The following TP53INP2 variants were observed in gnomAD, a reference collection of about 807,000 sequenced individuals.
TP53INP2 encodes tumor protein p53 inducible nuclear protein 2.
In TP53INP2, 12 loss-of-function variants were observed where a neutral mutation model predicts 17.1. That is an observed-to-expected ratio of 0.70 (90% CI 0.45 to 1.14). The LOEUF is 1.14. Among genes scored for constraint, TP53INP2 ranks in the 50% most tolerant of loss-of-function variants. TP53INP2 has a pLI of 0.00. For missense variants in TP53INP2, 342 were observed against 330.9 expected, an observed-to-expected ratio of 1.03 and a Z score of -0.26; for synonymous variants, 145 against 147.3, an observed-to-expected ratio of 0.98 and a Z score of 0.12.
Position 34,710,003 on chromosome 20 carries a change from C to A in TP53INP2, c.414-55C>A. The A allele has an allele frequency of 1.8e-6, 1 of 562,064 alleles. No individual in the cohort carries two copies. Among genetic ancestry groups the A allele is most frequent in the East Asian group, 5.2e-5 (1 of 19,400 alleles). 34.8% of individuals were successfully genotyped at this position (562,064 alleles called of 1,614,324 possible). ...CAAGGGTGGGAGATGGCAGCGCCCT[C>A]TAGACCCCCCGCCCAGCTTACCCGG... is the stretch of plus-strand genomic sequence containing the variant. On this transcript the variant is annotated intron_variant, in intron 4 of 4. Coordinates refer to ENST00000374810, the MANE Select transcript of TP53INP2 (RefSeq NM_021202.3). The surrounding 1 kb of genome is among the most constrained non-coding windows in gnomAD (Gnocchi z 4.9).
rs1988119996 is a variant in TP53INP2 at position 34,709,743 on chromosome 20, A to G, written c.413+219A>G. On this transcript the variant is annotated intron_variant, in intron 4 of 4. Coordinates refer to ENST00000374810, the MANE Select transcript of TP53INP2 (RefSeq NM_021202.3). The surrounding 1 kb of genome is among the most constrained non-coding windows in gnomAD (Gnocchi z 5.4). Reference sequence around the variant, plus strand: ...GACGGAGGGGCGGGGCTTGAGAGGGAGGGGCGTGGCCAAGAGGCTGGGGCC... The same window carrying G: ...GACGGAGGGGCGGGGCTTGAGAGGGGGGGGCGTGGCCAAGAGGCTGGGGCC... Among the ~76,000 whole-genome samples, 1 of 148,976 alleles carries G rather than the reference A, an allele frequency of 6.7e-6. No individual in the cohort carries two copies. The highest frequency in any genetic ancestry group is 1.5e-5 in the Non-Finnish European group (1 of 67,296).
rs938552566 is a variant in TP53INP2, at chr20:34,711,606, G to A, written c.*1299G>A. The A allele has an allele frequency of 6.6e-6, 1 of 152,176 alleles. No homozygotes were observed. The highest frequency in any genetic ancestry group is 6.6e-5 in the Admixed American group (1 of 15,264). The allele number at this position is 152,176 out of a possible 1,614,324, so 9.4% of individuals were successfully genotyped here. A position where few individuals can be genotyped will look rare whatever the true frequency, so the allele number is the denominator to read the frequency against. ...GCCTCTCTTTCTTTCTAGGTTGCTG[G>A]GGAGAAATGGGTACCCTATGATCCC... On this transcript the variant is annotated 3_prime_UTR_variant, in exon 5 of 5. Coordinates refer to ENST00000374810, the MANE Select transcript of TP53INP2 (RefSeq NM_021202.3). The surrounding 1 kb of genome is among the most constrained non-coding windows in gnomAD (Gnocchi z 4.1).
At position 34,709,518 on chromosome 20, in the gene TP53INP2, G is replaced by A. The variant is rs1227747340; in HGVS notation, c.407G>A (p.Ser136Asn). Residue 136 changes from serine to asparagine, a missense_variant, in exon 4 of 5, where the codon AGC becomes AAC. By Grantham distance (46) the Ser-to-Asn change is conservative. Coordinates refer to ENST00000374810, the MANE Select transcript of TP53INP2 (RefSeq NM_021202.3). This position sits in a 1 kb window ranked among gnomAD's most constrained non-coding sequence, Gnocchi z 5.4. ...GCGGCCCTGCCTGACGGCGACCTCA[G>A]CGAAGGGTGAGCGGGCCGGGGGCGG... ...PDAALPDGDLSEGELTPARRE... is the reference protein window; with the variant it reads ...PDAALPDGDLNEGELTPARRE... The A allele has an allele frequency of 1.2e-6, 2 of 1,606,692 alleles. No individual in the cohort carries two copies. The highest frequency in any genetic ancestry group is 1.7e-6 in the Non-Finnish European group (2 of 1,179,414).
rs764531532 is a variant in TP53INP2, at chr20:34,709,440, T to A, written c.329T>A (p.Val110Asp). Reference protein sequence around the residue: ...LIEHPSMSVYVTGSTIVLEPG... With the variant: ...LIEHPSMSVYDTGSTIVLEPG... The stretch of plus-strand genomic sequence containing the variant: ...GAGCACCCCAGCATGTCCGTTTACG[T>A]CACCGGCAGCACCATAGTGCTAGAG... Residue 110 changes from valine (V) to aspartate (D), a missense_variant, in exon 4 of 5, where the codon GTC becomes GAC. Val to Asp is a radical substitution (Grantham distance 152). Transcript: ENST00000374810. This position sits in a 1 kb window ranked among gnomAD's most constrained non-coding sequence, Gnocchi z 5.4. 1.2e-6 allele frequency: 2 copies of A among 1,613,820 alleles called. No homozygotes were observed. Among genetic ancestry groups the A allele is most frequent in the Non-Finnish European group, 1.7e-6 (2 of 1,179,860 alleles).
chr20:34,710,012 C>T lies in TP53INP2; in HGVS notation c.414-46C>T, dbSNP rs543875326. On this transcript the variant is annotated intron_variant, in intron 4 of 4. Transcript: ENST00000374810. This position sits in a 1 kb window ranked among gnomAD's most constrained non-coding sequence, Gnocchi z 4.9. ...GAGATGGCAGCGCCCTCTAGACCCCCCGCCCAGCTTACCCGGCTTGACCGA... is the reference window on the plus strand; with the variant it reads ...GAGATGGCAGCGCCCTCTAGACCCCTCGCCCAGCTTACCCGGCTTGACCGA... The T allele has an allele frequency of 7.8e-6, 10 of 1,277,468 alleles. No individual in the cohort carries two copies. In the South Asian group the frequency reaches 2.6e-4, roughly 33 times the overall value. The allele number at this position is 1,277,468 out of a possible 1,614,324, so 79.1% of individuals were successfully genotyped here. A position where few individuals can be genotyped will look rare whatever the true frequency, so the allele number is the denominator to read the frequency against.
Position 34,709,006 on chromosome 20 carries a change from AG to A in TP53INP2, c.124+144del. On this transcript the variant is annotated intron_variant, in intron 3 of 4. Coordinates refer to ENST00000374810, the MANE Select transcript of TP53INP2 (RefSeq NM_021202.3). This position sits in a 1 kb window ranked among gnomAD's most constrained non-coding sequence, Gnocchi z 5.4. ...GGGTCACGGGGCCCCTTCCCATGAA[AG>A]CCGGGGCTCTCTCCTGGCGGCCCAG... 1.4e-6 allele frequency: 2 copies of A among 1,417,748 alleles called. No individual in the cohort carries two copies. Among genetic ancestry groups the A allele is most frequent in the African/African-American group, 2.9e-5 (2 of 69,790 alleles). 87.8% of individuals were successfully genotyped at this position (1,417,748 alleles called of 1,614,324 possible). A position where few individuals can be genotyped will look rare whatever the true frequency, so the allele number is the denominator to read the frequency against.
chr20:34,708,172 T>C (rs1988043769), intron 2 of TP53INP2, among the ~76,000 whole-genome samples: 1 of 152,210 alleles, frequency 6.6e-6, no homozygotes, highest in South Asian at 2.1e-4. Flanking sequence ...TCTGGAGACC[T>C]TCCCTGGCAG....
chr20:34,706,631 G>A (rs984479164), intron 2 of TP53INP2, among the ~76,000 whole-genome samples: 1 of 152,040 alleles, frequency 6.6e-6, no homozygotes. Flanking sequence ...TCCCACCAGA[G>A]AAGCCAGCAT....
Position 34,712,772 on chromosome 20 carries a change from G to GAGTT in TP53INP2, c.*2466_*2469dup, listed in dbSNP as rs1475981416. On this transcript the variant is annotated 3_prime_UTR_variant, in exon 5 of 5. Coordinates refer to ENST00000374810, the MANE Select transcript of TP53INP2 (RefSeq NM_021202.3). ...ATTGATGTTTTCTGAGGCCCTAGAG[G>GAGTT]AGTTTGTATCAATTTGTGAGTATTA... 6.6e-6 allele frequency: 1 copy of GAGTT among 152,576 alleles called. No individual in the cohort carries two copies. The highest frequency in any genetic ancestry group is 1.5e-5 in the Non-Finnish European group (1 of 68,038). 9.5% of individuals were successfully genotyped at this position (152,576 alleles called of 1,614,324 possible).
In TP53INP2 at chr20:34,709,366, A is replaced by C. The variant is rs765845532; in HGVS notation, c.255A>C (p.Gly85=). 63 of 1,612,970 alleles carry C rather than the reference A, an allele frequency of 3.9e-5. No individual in the cohort carries two copies. Among genetic ancestry groups the C allele is most frequent in the Non-Finnish European group, 5.1e-5 (60 of 1,179,714 alleles). ...PPACFTAEGP[G]LGPARLQSSP... The stretch of plus-strand genomic sequence containing the variant: ...CCTGTTTTACGGCAGAGGGGCCTGG[A>C]CTCGGTCCCGCCCGCCTCCAGAGCA... Residue 85 remains glycine (G), a synonymous_variant, in exon 4 of 5, where the codon GGA becomes GGC. Transcript: ENST00000374810. This position sits in a 1 kb window ranked among gnomAD's most constrained non-coding sequence, Gnocchi z 5.4.
intron 2 of TP53INP2, among the ~76,000 whole-genome samples, chr20:34,706,662 G>A (rs1249749824): frequency 6.6e-6 from 1 of 152,190 alleles, no homozygotes; most frequent in Non-Finnish European, 1.5e-5. Context: ...CTGTGAGTCT[G>A]CAGATGTGGA....
chr20:34,707,900 T>G (rs1349874101), intron 2 of TP53INP2, among the ~76,000 whole-genome samples: 4 of 152,156 alleles, frequency 2.6e-5, no homozygotes, highest in Non-Finnish European at 5.9e-5. Context: ...AGCCTGGGAT[T>G]ACAGGCACCT....
Position 34,709,207 on chromosome 20 carries a change from C to A in TP53INP2, c.125-29C>A. The stretch of plus-strand genomic sequence containing the variant: ...TGTGCCTCCTCGCTGCTCCCCTCCT[C>A]TGCACGGCTCCCATCCCGCGCCCCG... On this transcript the variant is annotated intron_variant, in intron 3 of 4. Coordinates refer to ENST00000374810, the MANE Select transcript of TP53INP2 (RefSeq NM_021202.3). This position sits in a 1 kb window ranked among gnomAD's most constrained non-coding sequence, Gnocchi z 5.4. 1.3e-6 allele frequency: 2 copies of A among 1,530,874 alleles called. No homozygotes were observed. The highest frequency in any genetic ancestry group is 2.1e-5 in the Admixed American group (1 of 48,770). 94.8% of individuals were successfully genotyped at this position (1,530,874 alleles called of 1,614,324 possible). A position where few individuals can be genotyped will look rare whatever the true frequency, so the allele number is the denominator to read the frequency against.
chr20:34,708,926 G>A, intron 3 of TP53INP2, 63 bp downstream of exon 3: 1 of 1,576,114 alleles, frequency 6.3e-7, no homozygotes, highest in East Asian at 2.3e-5. Context: ...GCCTAGCAGC[G>A]GAGGGGAAGG....
In TP53INP2 at chr20:34,710,080, G is replaced by A. The variant is rs547430361; in HGVS notation, c.436G>A (p.Glu146Lys). The change falls in exon 5 of 5, where the codon GAG (glutamate) becomes AAG (lysine). Residue 146 changes from glutamate (E) to lysine (K), a missense_variant. By Grantham distance (56) the Glu-to-Lys change is moderately conservative. Coordinates refer to ENST00000374810, the MANE Select transcript of TP53INP2 (RefSeq NM_021202.3). This position sits in a 1 kb window ranked among gnomAD's most constrained non-coding sequence, Gnocchi z 4.9. ...SEGELTPARREPRAARHAAPL... is the reference protein window; with the variant it reads ...SEGELTPARRKPRAARHAAPL... ...CAGGGAATTGACGCCCGCCCGCCGC[G>A]AGCCGCGGGCCGCGCGCCACGCCGC... 24 of 1,275,826 alleles carry A rather than the reference G, an allele frequency of 1.9e-5. No individual in the cohort carries two copies. Among genetic ancestry groups the A allele is most frequent in the African/African-American group, 4.6e-5 (3 of 64,894 alleles). The allele number at this position is 1,275,826 out of a possible 1,614,324, so 79.0% of individuals were successfully genotyped here.
In TP53INP2 at chr20:34,710,181, AGAGCGCCACGCGCT is replaced by A; in HGVS notation, c.546_559del (p.His182GlnfsTer67). On this transcript the variant is annotated frameshift_variant, in exon 5 of 5. Coordinates refer to ENST00000374810, the MANE Select transcript of TP53INP2 (RefSeq NM_021202.3). LOFTEE classifies it high-confidence loss of function. This position sits in a 1 kb window ranked among gnomAD's most constrained non-coding sequence, Gnocchi z 4.9. ...GGCTGCAGCGGGCCCGGCAGCGGGCAGAGCGCCACGCGCTGAGCGCCAAGGCGGTGCAGCGGCAG... is the reference window on the plus strand; with the variant it reads ...GGCTGCAGCGGGCCCGGCAGCGGGCAGAGCGCCAAGGCGGTGCAGCGGCAG... 1 of 1,378,208 alleles carries A rather than the reference AGAGCGCCACGCGCT, an allele frequency of 7.3e-7. No individual in the cohort carries two copies. Among genetic ancestry groups the A allele is most frequent in the Non-Finnish European group, 9.5e-7 (1 of 1,055,296 alleles). The allele number at this position is 1,378,208 out of a possible 1,614,324, so 85.4% of individuals were successfully genotyped here. A position where few individuals can be genotyped will look rare whatever the true frequency, so the allele number is the denominator to read the frequency against.
chr20:34,709,501 G>T lies in TP53INP2; in HGVS notation c.390G>T (p.Leu130=). 1 of 1,609,506 alleles carries T rather than the reference G, an allele frequency of 6.2e-7. No individual in the cohort carries two copies. The highest frequency in any genetic ancestry group is 8.5e-7 in the Non-Finnish European group (1 of 1,179,702). The change falls in exon 4 of 5, where the codon CTG becomes CTT. Residue 130 remains leucine, a synonymous_variant. Transcript: ENST00000374810. This position sits in a 1 kb window ranked among gnomAD's most constrained non-coding sequence, Gnocchi z 5.4. ...GSPSPLPDAA[L]PDGDLSEGEL... is the part of the protein sequence containing the mutation. ...CTTCCCCGCTCCCGGACGCGGCCCTGCCTGACGGCGACCTCAGCGAAGGGT... is the reference window on the plus strand; with the variant it reads ...CTTCCCCGCTCCCGGACGCGGCCCTTCCTGACGGCGACCTCAGCGAAGGGT...
chr20:34,706,287 C>T (rs1988005308), intron 2 of TP53INP2, among the ~76,000 whole-genome samples: 3 of 152,136 alleles, frequency 2.0e-5, no homozygotes, highest in Non-Finnish European at 2.9e-5. Context: ...CTAGGTCTGC[C>T]CTGCCACTAT....
rs892190799 is a variant in TP53INP2, at chr20:34,709,822, CAGAA to C, written c.414-233_414-230del. On this transcript the variant is annotated intron_variant, in intron 4 of 4. Coordinates refer to ENST00000374810, the MANE Select transcript of TP53INP2 (RefSeq NM_021202.3). The surrounding 1 kb of genome is among the most constrained non-coding windows in gnomAD (Gnocchi z 5.4). The stretch of plus-strand genomic sequence containing the variant: ...GAGCGCCTAGGGAGTGGGACTTAAA[CAGAA>C]AGGCAAGGGTGGAATAGGGGGTGGG... Among the ~76,000 whole-genome samples, 8 of 151,986 alleles carry C rather than the reference CAGAA, an allele frequency of 5.3e-5. No homozygotes were observed. The highest frequency in any genetic ancestry group is 2.1e-4 in the South Asian group (1 of 4,822).
Sources: gnomAD v4.1 joint callset for allele counts (sites outside exome capture counted in the v4.1 genomes callset) on GRCh38, gnomAD v4.1.1 for gene constraint, Gnocchi (gnomAD v3.1) non-coding constraint, MANE v1.5 for transcripts, NCBI Gene and HGNC (gene_info 2026-07-23, HGNC 2026-07-21) for gene names.